The following ITPK1 variants were observed in gnomAD, a reference collection of about 807,000 sequenced individuals.
ITPK1 encodes the protein inositol 1,3,4-trisphosphate 5/6-kinase.
Under a neutral mutation model 45.3 loss-of-function variants are expected in ITPK1, and 21 were observed. The ratio of observed to expected loss-of-function variants is 0.46; its 90% confidence interval spans 0.33 to 0.67. The LOEUF (loss-of-function observed/expected upper bound fraction) is 0.67, where lower values mean the gene tolerates loss of function less well. Among genes scored for constraint, ITPK1 ranks in the 30% least tolerant of loss-of-function variants. The pLI, the probability that ITPK1 is intolerant of heterozygous loss-of-function variation, is 0.02. For synonymous variants in ITPK1, 258 were observed against 253.6 expected, an observed-to-expected ratio of 1.02 and a Z score of -0.16; for missense variants, 474 against 573.5, an observed-to-expected ratio of 0.83 and a Z score of 1.77.
chr14:92,991,341 C>A (rs1198168608), intron 5 of ITPK1, among the ~76,000 whole-genome samples: 1 of 152,084 alleles, frequency 6.6e-6, no homozygotes, highest in Non-Finnish European at 1.5e-5. Context: ...CCTCTGACCG[C>A]CCTCCTGGAA....
chr14:92,939,187 C>G lies in ITPK1; in HGVS notation c.*2374G>C, dbSNP rs1228833579. The stretch of plus-strand genomic sequence containing the variant: ...ACTCTCAGTGACTCTGCTCAGGAGG[C>G]AGCGCCACCATGCTCTGGAGAAGAG... On this transcript the variant is annotated 3_prime_UTR_variant, in exon 11 of 11. Transcript: ENST00000267615. 2.0e-5 allele frequency: 3 copies of G among 152,360 alleles called. No homozygotes were observed. The highest frequency in any genetic ancestry group is 4.4e-5 in the Non-Finnish European group (3 of 68,148). The allele number at this position is 152,360 out of a possible 1,614,324, so 9.4% of individuals were successfully genotyped here. A position where few individuals can be genotyped will look rare whatever the true frequency, so the allele number is the denominator to read the frequency against.
At chr14:92,952,043 TAGA>T (rs1398284843) in intron 8 of ITPK1, 30 bp from the exon 9 acceptor site, 1 of 1,544,442 alleles carries the variant, frequency 6.5e-7, no homozygotes, top group South Asian at 1.2e-5. Context: ...GAGCCGGCGT[TAGA>T]ACCTCAATGC....
At chr14:93,070,471 C>T (rs1309401049) in intron 3 of ITPK1, 2 of 152,326 alleles carry the variant, frequency 1.3e-5, no homozygotes, top group Non-Finnish European at 2.9e-5. Flanking sequence ...ACGACCAAGG[C>T]TCCTGTGTAC....
In ITPK1 at chr14:93,016,149, T is replaced by A. The variant is rs1888163112; in HGVS notation, c.246+527A>T. ...GTGCGATCAGGACCTGGGAGGCCGCTGGGGAAGTGGTGTGGGGAGAGGGAA... is the reference window on the plus strand; with the variant it reads ...GTGCGATCAGGACCTGGGAGGCCGCAGGGGAAGTGGTGTGGGGAGAGGGAA... On this transcript the variant is annotated intron_variant, in intron 4 of 10. Coordinates refer to ENST00000267615, the MANE Select transcript of ITPK1 (RefSeq NM_014216.6). The surrounding 1 kb of genome is among the most constrained non-coding windows in gnomAD (Gnocchi z 5.0). Among the ~76,000 whole-genome samples, 1 of 152,040 alleles carries A rather than the reference T, an allele frequency of 6.6e-6. No individual in the cohort carries two copies. Among genetic ancestry groups the A allele is most frequent in the Admixed American group, 6.5e-5 (1 of 15,274 alleles).
intron 8 of ITPK1, among the ~76,000 whole-genome samples, chr14:92,953,345 C>T (rs1369136212): frequency 5.3e-5 from 8 of 152,232 alleles, no homozygotes; most frequent in Non-Finnish European, 8.8e-5. Context: ...AGACGGGGGC[C>T]ATGAAATATG....
At chr14:92,943,285 C>T (rs575037176) in intron 10 of ITPK1, among the ~76,000 whole-genome samples, 105 of 152,344 alleles carry the variant, frequency 6.9e-4, no homozygotes, top group African/African-American at 2.5e-3. Flanking sequence ...GAAGTAGCAG[C>T]CACTGGGCTG....
intron 3 of ITPK1, among the ~76,000 whole-genome samples, chr14:93,030,430 C>CA: frequency 6.6e-6 from 1 of 151,992 alleles, no homozygotes; most frequent in African/African-American, 2.4e-5. Context: ...TCTTTTCTTT[C>CA]TTTCATTCAT....
chr14:93,099,252 G>A (rs982731159), intron 2 of ITPK1, among the ~76,000 whole-genome samples: 2 of 151,966 alleles, frequency 1.3e-5, no homozygotes, highest in Non-Finnish European at 2.9e-5. Context: ...CTCCAGCTCC[G>A]ACAACCCCCA....
chr14:93,022,683 TG>T (rs1348649405), intron 3 of ITPK1, among the ~76,000 whole-genome samples: 1 of 152,104 alleles, frequency 6.6e-6, no homozygotes, highest in Non-Finnish European at 1.5e-5. Context: ...AGCTAATTTT[TG>T]TATTTTTAGT....
rs1295234314 is a variant in ITPK1, at chr14:92,939,186, G to A, written c.*2375C>T. 6.6e-6 allele frequency: 1 copy of A among 152,366 alleles called. No homozygotes were observed. The highest frequency in any genetic ancestry group is 2.4e-5 in the African/African-American group (1 of 41,466). The allele number at this position is 152,366 out of a possible 1,614,324, so 9.4% of individuals were successfully genotyped here. Reference sequence around the variant, plus strand: ...CACTCTCAGTGACTCTGCTCAGGAGGCAGCGCCACCATGCTCTGGAGAAGA... The same window carrying A: ...CACTCTCAGTGACTCTGCTCAGGAGACAGCGCCACCATGCTCTGGAGAAGA... On this transcript the variant is annotated 3_prime_UTR_variant, in exon 11 of 11. Coordinates refer to ENST00000267615, the MANE Select transcript of ITPK1 (RefSeq NM_014216.6).
chr14:93,101,880 C>T (rs1482791828), intron 2 of ITPK1, among the ~76,000 whole-genome samples: 3 of 152,140 alleles, frequency 2.0e-5, no homozygotes, highest in African/African-American at 2.4e-5. Context: ...AGTCACTTAC[C>T]CTCTCTGAGC....
intron 2 of ITPK1, among the ~76,000 whole-genome samples, chr14:93,103,692 C>T (rs1053880879): frequency 2.6e-5 from 4 of 152,156 alleles, no homozygotes; most frequent in Non-Finnish European, 5.9e-5. Context: ...GAAGATGCCA[C>T]GGCCCACCCC....
At chr14:93,050,275 G>C (rs1226670109) in intron 3 of ITPK1, among the ~76,000 whole-genome samples, 1 of 152,182 alleles carries the variant, frequency 6.6e-6, no homozygotes, top group Non-Finnish European at 1.5e-5. Flanking sequence ...ACTCAAGCAG[G>C]CAGGATCGGC....
chr14:92,993,759 C>T, intron 5 of ITPK1, 121 bp downstream of exon 5: 2 of 675,628 alleles, frequency 3.0e-6, no homozygotes, highest in Middle Eastern at 5.8e-4. Context: ...AATTCAAATG[C>T]TTCCTGCCCC....
chr14:92,975,442 G>T (rs534695360), intron 5 of ITPK1, among the ~76,000 whole-genome samples: 1 of 152,210 alleles, frequency 6.6e-6, no homozygotes, highest in Non-Finnish European at 1.5e-5. Context: ...TGCCTGCCTT[G>T]CTCATCTCTG....
At chr14:93,037,086 C>G (rs997639151) in intron 3 of ITPK1, 5 of 152,288 alleles carry the variant, frequency 3.3e-5, no homozygotes, top group Non-Finnish European at 5.9e-5. Flanking sequence ...AAGGCTGTTC[C>G]CCTGCTCCCT....
intron 2 of ITPK1, among the ~76,000 whole-genome samples, chr14:93,100,005 G>T (rs1892245732): frequency 6.6e-6 from 1 of 152,148 alleles, no homozygotes; most frequent in East Asian, 1.9e-4. Context: ...CCAGAAACAG[G>T]GAGCACGTCC....
rs1044709091 is a variant in ITPK1, at chr14:92,940,964, G to A, written c.*597C>T. 121 of 1,286,086 alleles carry A rather than the reference G, an allele frequency of 9.4e-5. No homozygotes were observed. Among genetic ancestry groups the A allele is most frequent in the African/African-American group, 1.8e-4 (12 of 65,764 alleles). The allele number at this position is 1,286,086 out of a possible 1,614,324, so 79.7% of individuals were successfully genotyped here. On this transcript the variant is annotated 3_prime_UTR_variant, in exon 11 of 11. Coordinates refer to ENST00000267615, the MANE Select transcript of ITPK1 (RefSeq NM_014216.6). Reference sequence around the variant, plus strand: ...GGGAGCACAGCCCAGACCCCAGCGCGGAACTCCCCTGAGGGGTCTGTGGCC... The same window carrying A: ...GGGAGCACAGCCCAGACCCCAGCGCAGAACTCCCCTGAGGGGTCTGTGGCC...
intron 3 of ITPK1, among the ~76,000 whole-genome samples, chr14:93,064,056 G>C (rs1045980261): frequency 1.3e-5 from 2 of 152,190 alleles, no homozygotes; most frequent in Non-Finnish European, 2.9e-5. Flanking sequence ...GGCCAAGGTG[G>C]GTGGATCACG....
Sources: gnomAD v4.1 joint callset for allele counts (sites outside exome capture counted in the v4.1 genomes callset) on GRCh38, gnomAD v4.1.1 for gene constraint, Gnocchi (gnomAD v3.1) non-coding constraint, MANE v1.5 for transcripts, NCBI Gene and HGNC (gene_info 2026-07-23, HGNC 2026-07-21) for gene names.